Variants in KCNIP4 observed in about 807,000 individuals in gnomAD.
The protein encoded by KCNIP4 is potassium voltage-gated channel interacting protein 4, also known as Kv channel-interacting protein 4.
A neutral mutation model predicts 34.0 loss-of-function variants in KCNIP4; 12 were observed. The observed-to-expected ratio is 0.35, with a 90% CI of 0.23 to 0.57. The LOEUF is 0.57. Ranked by LOEUF, KCNIP4 falls within the 20% of genes least tolerant of loss-of-function variation. KCNIP4 has a pLI of 0.83. For synonymous variants in KCNIP4, 124 were observed against 102.2 expected, an observed-to-expected ratio of 1.21 and a Z score of -1.29; for missense variants, 238 against 311.7, an observed-to-expected ratio of 0.76 and a Z score of 1.78.
intron 1 of KCNIP4, among the ~76,000 whole-genome samples, chr4:21,669,679 T>C (rs1204767242): frequency 1.3e-5 from 2 of 152,140 alleles, no homozygotes; most frequent in African/African-American, 4.8e-5. Flanking sequence ...ATGACCCCTA[T>C]CATTAAAGAA....
In KCNIP4 at chr4:21,370,641, A is replaced by T. The variant is rs77981607; in HGVS notation, c.62-487932T>A. Among the ~76,000 whole-genome samples, 1,347 of 141,260 alleles carry T rather than the reference A, an allele frequency of 9.5e-3. 189 individuals are homozygous for T. The highest frequency in any genetic ancestry group is 0.037 in the African/African-American group (1,222 of 32,746). 92.7% of individuals were successfully genotyped at this position (141,260 alleles called of 152,430 possible). A position where few individuals can be genotyped will look rare whatever the true frequency, so the allele number is the denominator to read the frequency against. ...GATAGTCAGGGAAGGCTTAGCCAAGAAGATGATATGCGGACATATAAGCTC... is the reference window on the plus strand; with the variant it reads ...GATAGTCAGGGAAGGCTTAGCCAAGTAGATGATATGCGGACATATAAGCTC... On this transcript the variant is annotated intron_variant, in intron 1 of 8. Coordinates refer to ENST00000382152, the MANE Select transcript of KCNIP4 (RefSeq NM_025221.6).
At chr4:20,852,320 A>C (rs541378309) in intron 2 of KCNIP4, among the ~76,000 whole-genome samples, 3 of 152,330 alleles carry the variant, frequency 2.0e-5, no homozygotes, top group Admixed American at 6.5e-5. Flanking sequence ...GGATGGTTTA[A>C]CATACGCAAG....
chr4:21,332,206 C>T (rs1286113964), intron 1 of KCNIP4, among the ~76,000 whole-genome samples: 1 of 152,042 alleles, frequency 6.6e-6, no homozygotes, highest in Non-Finnish European at 1.5e-5. Context: ...CCCATTGGAA[C>T]TTTATATTAA....
intron 1 of KCNIP4, among the ~76,000 whole-genome samples, chr4:21,116,385 C>A (rs1749677123): frequency 6.6e-6 from 1 of 152,186 alleles, no homozygotes; most frequent in Non-Finnish European, 1.5e-5. Context: ...TTCATCCACT[C>A]ATTTATCCAA....
At chr4:20,732,907 T>C in intron 6 of KCNIP4, 122 bp from the exon 7 acceptor site, 1 of 618,864 alleles carries the variant, frequency 1.6e-6, no homozygotes, top group Non-Finnish European at 2.8e-6. Flanking sequence ...TTGGATTCTT[T>C]GTTAGACGAC....
intron 1 of KCNIP4, among the ~76,000 whole-genome samples, chr4:21,180,417 T>C (rs1327087513): frequency 6.6e-6 from 1 of 152,100 alleles, no homozygotes; most frequent in Non-Finnish European, 1.5e-5. Context: ...TTGCAAATAT[T>C]AAAGAATTTT....
intron 1 of KCNIP4, among the ~76,000 whole-genome samples, chr4:21,031,903 A>C (rs998221198): frequency 8.5e-5 from 13 of 152,232 alleles, no homozygotes; most frequent in African/African-American, 2.9e-4. Context: ...TTTGAGCTGT[A>C]AGGTATCTGT....
intron 1 of KCNIP4, among the ~76,000 whole-genome samples, chr4:20,919,739 T>G (rs1033222029): frequency 6.6e-6 from 1 of 151,826 alleles, no homozygotes. Context: ...ATATGTATGT[T>G]TTAATATTGT....
At chr4:21,378,856 C>T (rs752373163) in intron 1 of KCNIP4, among the ~76,000 whole-genome samples, 30 of 152,042 alleles carry the variant, frequency 2.0e-4, no homozygotes, top group Admixed American at 5.2e-4. Flanking sequence ...ATACATACTA[C>T]GTAGCTATCT....
intron 1 of KCNIP4, among the ~76,000 whole-genome samples, chr4:21,071,320 C>T (rs1577638139): frequency 6.6e-6 from 1 of 152,102 alleles, no homozygotes; most frequent in African/African-American, 2.4e-5. Context: ...ACCTGTTGTC[C>T]GATTTCTCAA....
chr4:21,137,878 GTT>G (rs71189685), intron 1 of KCNIP4, among the ~76,000 whole-genome samples: 5 of 133,898 alleles, frequency 3.7e-5, no homozygotes, highest in Admixed American at 1.5e-4. Context: ...AGGCTTTTTT[GTT>G]TTTTTTTTTT....
At chr4:21,150,078 C>T (rs1438115611) in intron 1 of KCNIP4, among the ~76,000 whole-genome samples, 2 of 152,106 alleles carry the variant, frequency 1.3e-5, no homozygotes, top group African/African-American at 4.8e-5. Flanking sequence ...ACGGTCAGTA[C>T]GTAGAGTCAA....
chr4:21,410,950 A>C (rs1024701952), intron 1 of KCNIP4, among the ~76,000 whole-genome samples: 3 of 152,206 alleles, frequency 2.0e-5, no homozygotes, highest in African/African-American at 7.2e-5. Context: ...GACAACACTG[A>C]AAGGTGACAG....
intron 1 of KCNIP4, among the ~76,000 whole-genome samples, chr4:21,151,842 A>T (rs1264884092): frequency 6.6e-6 from 1 of 152,130 alleles, no homozygotes; most frequent in Non-Finnish European, 1.5e-5. Context: ...TTGCACAGGG[A>T]CAACATTGTC....
intron 1 of KCNIP4, among the ~76,000 whole-genome samples, chr4:21,839,565 C>T (rs1172731358): frequency 6.6e-6 from 1 of 152,092 alleles, no homozygotes; most frequent in African/African-American, 2.4e-5. Flanking sequence ...ACCAGCCTGA[C>T]TAACATGGAG....
In KCNIP4 at chr4:20,942,660, C is replaced by CTTTTAT. The variant is rs535237941; in HGVS notation, c.62-59957_62-59952dup. On this transcript the variant is annotated intron_variant, in intron 1 of 8. Coordinates refer to ENST00000382152, the MANE Select transcript of KCNIP4 (RefSeq NM_025221.6). ...ACAAACTAATCTCTGCTATTTCCTT[C>CTTTTAT]TTTTATTTTTATTTTTATTTTTATT... Among the ~76,000 whole-genome samples the CTTTTAT allele has an allele frequency of 3.9e-3, 594 of 152,116 alleles. 1 individual carries two copies. Among genetic ancestry groups the CTTTTAT allele is most frequent in the Middle Eastern group, 0.01 (3 of 294 alleles).
At chr4:20,968,354 T>C (rs969382627) in intron 1 of KCNIP4, among the ~76,000 whole-genome samples, 7 of 152,168 alleles carry the variant, frequency 4.6e-5, no homozygotes, top group African/African-American at 1.7e-4. Context: ...TCAACCATTG[T>C]GGAAGACAAT....
At chr4:21,451,963 T>C (rs1027795931) in intron 1 of KCNIP4, among the ~76,000 whole-genome samples, 9 of 152,082 alleles carry the variant, frequency 5.9e-5, no homozygotes, top group African/African-American at 2.2e-4. Flanking sequence ...AAGAATGTTA[T>C]TCCTTACAAA....
At chr4:21,219,194 T>C (rs900070304) in intron 1 of KCNIP4, among the ~76,000 whole-genome samples, 1 of 152,090 alleles carries the variant, frequency 6.6e-6, no homozygotes, top group African/African-American at 2.4e-5. Flanking sequence ...GGTCCATGTA[T>C]GGAAGATCTC....
Sources: allele counts gnomAD v4.1 joint callset (sites outside exome capture counted in the v4.1 genomes callset), GRCh38; gene constraint gnomAD v4.1.1; transcripts MANE v1.5; gene names NCBI Gene and HGNC (gene_info 2026-07-23, HGNC 2026-07-21).